The following LRCH3 variants were observed in gnomAD, a reference collection of about 807,000 sequenced individuals.
LRCH3 encodes leucine rich repeats and calponin homology domain containing 3, also known as DISP complex protein LRCH3.
In LRCH3, 68 loss-of-function variants were observed where a neutral mutation model predicts 104.5. The ratio of observed to expected loss-of-function variants is 0.65; its 90% CI spans 0.54 to 0.80. The LOEUF is 0.80. Among genes scored for constraint, LRCH3 ranks in the 30% least tolerant of loss-of-function variants. LRCH3 has a pLI of 0.00. For synonymous variants in LRCH3, 344 were observed against 361.3 expected, an observed-to-expected ratio of 0.95 and a Z score of 0.54; for missense variants, 951 against 953.9, an observed-to-expected ratio of 1.00 and a Z score of 0.04.
chr3:197,875,479 C>T (rs1167828260), intron 19 of LRCH3, among the ~76,000 whole-genome samples: 2 of 152,090 alleles, frequency 1.3e-5, no homozygotes, highest in Non-Finnish European at 2.9e-5. Flanking sequence ...GCCTGGGCAA[C>T]GTGGCGAACC....
chr3:197,884,748 C>G lies in LRCH3; in HGVS notation c.*1082C>G, dbSNP rs892077223. On this transcript the variant is annotated 3_prime_UTR_variant, in exon 21 of 21. Coordinates refer to ENST00000425562, the MANE Select transcript of LRCH3 (RefSeq NM_001365715.1). The stretch of plus-strand genomic sequence containing the variant: ...TTGGACTGTTCTGTCAAAGGCAAAA[C>G]AAAAATAATATAGAAGGCCTAGGTT... 1 of 152,154 alleles carries G rather than the reference C, an allele frequency of 6.6e-6. No individual in the cohort carries two copies. Among genetic ancestry groups the G allele is most frequent in the African/African-American group, 2.4e-5 (1 of 41,444 alleles). 9.4% of individuals were successfully genotyped at this position (152,154 alleles called of 1,614,324 possible). A position where few individuals can be genotyped will look rare whatever the true frequency, so the allele number is the denominator to read the frequency against.
At chr3:197,865,830 T>C (rs140459424) in intron 16 of LRCH3, among the ~76,000 whole-genome samples, 49 of 152,080 alleles carry the variant, frequency 3.2e-4, no homozygotes, top group African/African-American at 1.0e-3. Flanking sequence ...CCATTTGATA[T>C]GAATAAGTGA....
chr3:197,864,435 C>A (rs1372062963), intron 15 of LRCH3, among the ~76,000 whole-genome samples: 1 of 149,686 alleles, frequency 6.7e-6, no homozygotes, highest in African/African-American at 2.5e-5. Flanking sequence ...TGGAGAAACC[C>A]CGTATCTACT....
chr3:197,883,156 T>C lies in LRCH3; in HGVS notation c.2209-385T>C. Reference sequence around the variant, plus strand: ...TAGTATCTTTTACTCTTGAGCCATCTGGTAGCGTGGAATTGTTTTTCTATT... The same window carrying C: ...TAGTATCTTTTACTCTTGAGCCATCCGGTAGCGTGGAATTGTTTTTCTATT... On this transcript the variant is annotated intron_variant, in intron 20 of 20. Transcript: ENST00000425562. This position sits in a 1 kb window ranked among gnomAD's most constrained non-coding sequence, Gnocchi z 4.2. The C allele has an allele frequency of 1.0e-6, 1 of 991,730 alleles. No homozygotes were observed. The highest frequency in any genetic ancestry group is 1.2e-6 in the Non-Finnish European group (1 of 834,186). The allele number at this position is 991,730 out of a possible 1,614,324, so 61.4% of individuals were successfully genotyped here. A position where few individuals can be genotyped will look rare whatever the true frequency, so the allele number is the denominator to read the frequency against.
intron 1 of LRCH3, among the ~76,000 whole-genome samples, chr3:197,805,948 C>T (rs192176965): frequency 4.6e-5 from 7 of 151,890 alleles, no homozygotes; most frequent in Admixed American, 6.6e-5. Flanking sequence ...TTTTTTGAGA[C>T]GGAATTTCAC....
intron 1 of LRCH3, 47 bp downstream of exon 1, chr3:197,791,587 G>A (rs1202915137): frequency 6.7e-7 from 1 of 1,487,358 alleles, no homozygotes; most frequent in Non-Finnish European, 8.8e-7. Flanking sequence ...CCCGGCGCCG[G>A]GAGCCGCCCC....
At chr3:197,865,592 C>T in intron 16 of LRCH3, 121 bp downstream of exon 16, 1 of 567,152 alleles carries the variant, frequency 1.8e-6, no homozygotes, top group Non-Finnish European at 2.8e-6. Context: ...TCTCAAACTC[C>T]TGGGCTCAAG....
chr3:197,799,967 G>A (rs1424143196), intron 1 of LRCH3, among the ~76,000 whole-genome samples: 1 of 151,896 alleles, frequency 6.6e-6, no homozygotes, highest in Admixed American at 6.6e-5. Context: ...GGATCATGAG[G>A]TCAGGAGTTC....
At chr3:197,816,097 T>G (rs1733769356) in intron 2 of LRCH3, among the ~76,000 whole-genome samples, 1 of 152,190 alleles carries the variant, frequency 6.6e-6, no homozygotes, top group African/African-American at 2.4e-5. Context: ...ATGTAAATGT[T>G]TACTTTTCTC....
At position 197,865,478 on chromosome 3, in the gene LRCH3, G is replaced by T. The variant is rs1468767916; in HGVS notation, c.1765+7G>T. 1 of 1,512,736 alleles carries T rather than the reference G, an allele frequency of 6.6e-7. No homozygotes were observed. The highest frequency in any genetic ancestry group is 2.5e-5 in the East Asian group (1 of 40,424). The allele number at this position is 1,512,736 out of a possible 1,614,324, so 93.7% of individuals were successfully genotyped here. A position where few individuals can be genotyped will look rare whatever the true frequency, so the allele number is the denominator to read the frequency against. ...TCACCTGCAACAGAAACAGGTAATA[G>T]ACACAAAGGTGCAATTAACCACATC... On this transcript the variant is annotated splice_region_variant and intron_variant, in intron 16 of 20. Transcript: ENST00000425562.
At chr3:197,870,066 A>T in intron 17 of LRCH3, 94 bp from the exon 18 acceptor site, 1 of 1,299,242 alleles carries the variant, frequency 7.7e-7, no homozygotes, top group East Asian at 2.3e-5. Flanking sequence ...AAAGCCATGC[A>T]CTGCACTTGC....
intron 12 of LRCH3, among the ~76,000 whole-genome samples, chr3:197,849,382 C>G (rs1739248681): frequency 6.6e-6 from 1 of 151,642 alleles, no homozygotes; most frequent in African/African-American, 2.4e-5. Flanking sequence ...CCCTCAAAAC[C>G]TTGTCTGCCC....
At chr3:197,792,577 T>TATATATA (rs1730660774) in intron 1 of LRCH3, among the ~76,000 whole-genome samples, 30 of 20,342 alleles carry the variant, frequency 1.5e-3, no homozygotes, top group African/African-American at 3.5e-3. Flanking sequence ...CCAGCTAATT[T>TATATATA]TATATATATA....
At chr3:197,824,359 G>A (rs1454161606) in intron 4 of LRCH3, among the ~76,000 whole-genome samples, 3 of 89,100 alleles carry the variant, frequency 3.4e-5, no homozygotes, top group Non-Finnish European at 4.7e-5. Flanking sequence ...CACCACGCCC[G>A]GCTTTTTTTT....
At chr3:197,870,826 T>C (rs904693408) in intron 18 of LRCH3, among the ~76,000 whole-genome samples, 1 of 152,264 alleles carries the variant, frequency 6.6e-6, no homozygotes, top group Admixed American at 6.5e-5. Flanking sequence ...TGTTTTGTGA[T>C]GAATGTAAAC....
rs1284575813 is a variant in LRCH3 at position 197,886,879 on chromosome 3, A to G, written c.*3213A>G. 1 of 152,144 alleles carries G rather than the reference A, an allele frequency of 6.6e-6. No individual in the cohort carries two copies. Among genetic ancestry groups the G allele is most frequent in the Non-Finnish European group, 1.5e-5 (1 of 68,022 alleles). 9.4% of individuals were successfully genotyped at this position (152,144 alleles called of 1,614,324 possible). A position where few individuals can be genotyped will look rare whatever the true frequency, so the allele number is the denominator to read the frequency against. Reference sequence around the variant, plus strand: ...GGAATAATTCTAGAAGACATTACATAATGCAATACTTGCAACATTTGCAAC... The same window carrying G: ...GGAATAATTCTAGAAGACATTACATGATGCAATACTTGCAACATTTGCAAC... On this transcript the variant is annotated 3_prime_UTR_variant, in exon 21 of 21. Coordinates refer to ENST00000425562, the MANE Select transcript of LRCH3 (RefSeq NM_001365715.1).
chr3:197,821,111 G>A (rs2109221301), intron 4 of LRCH3, among the ~76,000 whole-genome samples: 1 of 152,284 alleles, frequency 6.6e-6, no homozygotes, highest in African/African-American at 2.4e-5. Context: ...TAAGGGGATA[G>A]TGTAGTATAA....
At chr3:197,801,133 T>A (rs1411557578) in intron 1 of LRCH3, among the ~76,000 whole-genome samples, 2 of 150,838 alleles carry the variant, frequency 1.3e-5, no homozygotes, top group African/African-American at 4.9e-5. Flanking sequence ...TATAACTATA[T>A]GCAGTTGCAG....
intron 8 of LRCH3, among the ~76,000 whole-genome samples, chr3:197,835,031 C>A (rs1388568712): frequency 6.6e-6 from 1 of 152,044 alleles, no homozygotes; most frequent in East Asian, 1.9e-4. Flanking sequence ...GTAATCCCAG[C>A]TACTTGGGAG....
Sources: gnomAD v4.1 joint callset for allele counts (sites outside exome capture counted in the v4.1 genomes callset) on GRCh38, gnomAD v4.1.1 for gene constraint, Gnocchi (gnomAD v3.1) non-coding constraint, MANE v1.5 for transcripts, NCBI Gene and HGNC (gene_info 2026-07-23, HGNC 2026-07-21) for gene names.